The following KCTD19 variants were observed in gnomAD, a reference collection of about 807,000 sequenced individuals.
KCTD19 encodes the protein BTB/POZ domain-containing protein KCTD19.
In KCTD19, 67 loss-of-function variants were observed where a neutral mutation model predicts 103.5. The observed-to-expected ratio is 0.65, with a 90% CI of 0.53 to 0.79. KCTD19 has a LOEUF of 0.79. Among genes scored for constraint, KCTD19 ranks in the 30% least tolerant of loss-of-function variants. The pLI is 0.00. For synonymous variants in KCTD19, 439 were observed against 452.2 expected, an observed-to-expected ratio of 0.97 and a Z score of 0.37; for missense variants, 980 against 1,136.1, an observed-to-expected ratio of 0.86 and a Z score of 1.98.
At position 67,295,354 on chromosome 16, in the gene KCTD19, G is replaced by T. The variant is rs374348796; in HGVS notation, c.1300C>A (p.Gln434Lys). The T allele has an allele frequency of 6.8e-5, 109 of 1,614,020 alleles. No individual in the cohort carries two copies. The highest frequency in any genetic ancestry group is 8.2e-5 in the Non-Finnish European group (97 of 1,180,000). Residue 434 changes from glutamine (Q) to lysine (K), a missense_variant, in exon 9 of 16, where the codon CAA (glutamine) becomes AAA (lysine). By Grantham distance (53) the Gln-to-Lys change is moderately conservative. Transcript: ENST00000304372. ...PQRVYWITYGQTLLIHGDGQM... is the reference protein window; with the variant it reads ...PQRVYWITYGKTLLIHGDGQM... ...CCATCCCCGTGGATGAGCAGGGTTT[G>T]TCCATATGTGATCCAGTACACTCTC...
At chr16:67,316,813 A>G (rs1317850989) in intron 2 of KCTD19, among the ~76,000 whole-genome samples, 1 of 150,370 alleles carries the variant, frequency 6.7e-6, no homozygotes, top group African/African-American at 2.5e-5. Flanking sequence ...GGAGGCCACA[A>G]CTACAGGCTA....
intron 1 of KCTD19, 93 bp downstream of exon 1, chr16:67,326,612 G>A (rs766049659): frequency 1.3e-6 from 2 of 1,511,460 alleles, no homozygotes; most frequent in Non-Finnish European, 1.8e-6. Flanking sequence ...CCCAGAGCCA[G>A]GTCTCGAACC....
rs749293031 is a variant in KCTD19, at chr16:67,304,542, G to T, written c.330C>A (p.His110Gln). 1 of 1,613,950 alleles carries T rather than the reference G, an allele frequency of 6.2e-7. No homozygotes were observed. The highest frequency in any genetic ancestry group is 8.5e-7 in the Non-Finnish European group (1 of 1,179,936). ...GGTCTGCAGGCCGTACGCGTAGATGGTGTTTCCCTTCCTTCAGGTTATCTA... is the reference window on the plus strand; with the variant it reads ...GGTCTGCAGGCCGTACGCGTAGATGTTGTTTCCCTTCCTTCAGGTTATCTA... ...QTLDNLKEGKHHLRVRPADLP... is the reference protein window; with the variant it reads ...QTLDNLKEGKQHLRVRPADLP... Residue 110 changes from histidine to glutamine, a missense_variant, in exon 3 of 16, where the codon CAC becomes CAA. Coordinates refer to ENST00000304372, the MANE Select transcript of KCTD19 (RefSeq NM_001100915.3).
intron 2 of KCTD19, among the ~76,000 whole-genome samples, chr16:67,307,803 T>A (rs1022825079): frequency 2.5e-4 from 38 of 152,352 alleles, no homozygotes; most frequent in African/African-American, 8.7e-4. Flanking sequence ...ATTCCAATGA[T>A]TTTCTTCTAG....
At chr16:67,319,551 T>C (rs1217659084) in intron 2 of KCTD19, among the ~76,000 whole-genome samples, 1 of 152,086 alleles carries the variant, frequency 6.6e-6, no homozygotes, top group Non-Finnish European at 1.5e-5. Flanking sequence ...TTAAAAAGAA[T>C]TGTTCAAAAA....
At chr16:67,324,291 C>A (rs2037106486) in intron 1 of KCTD19, among the ~76,000 whole-genome samples, 1 of 152,092 alleles carries the variant, frequency 6.6e-6, no homozygotes, top group Non-Finnish European at 1.5e-5. Flanking sequence ...AAGGGCACTA[C>A]CCTTGTAAAA....
rs796997202 is a variant in KCTD19, at chr16:67,300,012, C to A, written c.776-439G>T. The A allele has an allele frequency of 1.7e-5, 3 of 177,494 alleles. No homozygotes were observed. The highest frequency in any genetic ancestry group is 7.2e-5 in the African/African-American group (3 of 41,910). 11.0% of individuals were successfully genotyped at this position (177,494 alleles called of 1,614,324 possible). A position where few individuals can be genotyped will look rare whatever the true frequency, so the allele number is the denominator to read the frequency against. On this transcript the variant is annotated intron_variant, in intron 5 of 15. Coordinates refer to ENST00000304372, the MANE Select transcript of KCTD19 (RefSeq NM_001100915.3). The surrounding 1 kb of genome is among the most constrained non-coding windows in gnomAD (Gnocchi z 4.5). ...TTGCTGGCTCTCCTGGGCAGAATTT[C>A]CCCCAGAGACATACTGTGTGGCATT...
Position 67,294,576 on chromosome 16 carries a change from T to G in KCTD19, c.1590+4A>C. 2 of 1,598,768 alleles carry G rather than the reference T, an allele frequency of 1.3e-6. No homozygotes were observed. The highest frequency in any genetic ancestry group is 1.7e-6 in the Non-Finnish European group (2 of 1,166,004). ...AACACCAACCAGAGGAGGCTGGTGC[T>G]TACTTCTTTAGTGTCTCTACTGAAC... On this transcript the variant is annotated splice_donor_region_variant and intron_variant, in intron 11 of 15. Coordinates refer to ENST00000304372, the MANE Select transcript of KCTD19 (RefSeq NM_001100915.3).
At chr16:67,294,455 A>T (rs1174013930) in intron 11 of KCTD19, 125 bp downstream of exon 11, 1 of 716,624 alleles carries the variant, frequency 1.4e-6, no homozygotes, top group African/African-American at 1.8e-5. Flanking sequence ...TGTCCTAGGA[A>T]CCCATGTAGG....
At chr16:67,294,777 G>T in intron 10 of KCTD19, 83 bp from the exon 11 acceptor site, 1 of 1,090,642 alleles carries the variant, frequency 9.2e-7, no homozygotes, top group Admixed American at 1.7e-5. Context: ...CTCTTTGGCT[G>T]GGAGTTAATG....
chr16:67,293,822 C>T lies in KCTD19; in HGVS notation c.1940G>A (p.Cys647Tyr), dbSNP rs200456334. The change falls in exon 12 of 16, where the codon TGC becomes TAC. Residue 647 changes from cysteine (C) to tyrosine (Y), a missense_variant. Transcript: ENST00000304372. The surrounding 1 kb of genome is among the most constrained non-coding windows in gnomAD (Gnocchi z 4.0). The stretch of plus-strand genomic sequence containing the variant: ...CAGTGGCTGGAATTCCCACTGTTTG[C>T]AATTGACCATGTCCCATTCTCTCAC... The part of the protein sequence containing the change: ...SLVREWDMVN[C>Y]KQWEFQPLTA... 1.1e-5 allele frequency: 17 copies of T among 1,613,828 alleles called. No homozygotes were observed. In the Admixed American group the frequency reaches 1.8e-4, roughly 17 times the overall value.
intron 2 of KCTD19, among the ~76,000 whole-genome samples, chr16:67,309,506 A>C (rs976814834): frequency 1.3e-5 from 2 of 152,208 alleles, no homozygotes; most frequent in Non-Finnish European, 2.9e-5. Context: ...GACAGTAGGC[A>C]AAGTAGCAAG....
intron 1 of KCTD19, 39 bp downstream of exon 1, chr16:67,326,666 T>C: frequency 6.3e-7 from 1 of 1,575,570 alleles, no homozygotes; most frequent in East Asian, 2.4e-5. Flanking sequence ...ATTCGCCGCT[T>C]TGGTGCTTTT....
In KCTD19 at chr16:67,293,802, G is replaced by A. The variant is rs769654789; in HGVS notation, c.1960C>T (p.Pro654Ser). ...GGGCTGCTCCGTGTGGCTGTCAGTG[G>A]CTGGAATTCCCACTGTTTGCAATTG... ...MVNCKQWEFQ[P>S]LTATRSSPLE... Residue 654 changes from proline to serine, a missense_variant, in exon 12 of 16, where the codon CCA (proline) becomes TCA (serine). Pro to Ser is a moderately conservative substitution (Grantham distance 74, BLOSUM62 -1). Transcript: ENST00000304372. The surrounding 1 kb of genome is among the most constrained non-coding windows in gnomAD (Gnocchi z 4.0). 19 of 1,613,610 alleles carry A rather than the reference G, an allele frequency of 1.2e-5. No individual in the cohort carries two copies. The highest frequency in any genetic ancestry group is 1.6e-4 in the Middle Eastern group (1 of 6,084).
rs754268317 is a variant in KCTD19 at position 67,299,608 on chromosome 16, C to T, written c.776-35G>A. 9 of 1,582,020 alleles carry T rather than the reference C, an allele frequency of 5.7e-6. No individual in the cohort carries two copies. The African/African-American group carries it at 9.4e-5, about 17-fold the overall frequency. Reference sequence around the variant, plus strand: ...AGAGAAAGGGGTGACTCCTAGGCCCCCCATGGTCATAGCTGGATTGGAGGC... The same window carrying T: ...AGAGAAAGGGGTGACTCCTAGGCCCTCCATGGTCATAGCTGGATTGGAGGC... On this transcript the variant is annotated intron_variant, in intron 5 of 15. Coordinates refer to ENST00000304372, the MANE Select transcript of KCTD19 (RefSeq NM_001100915.3).
At position 67,302,553 on chromosome 16, in the gene KCTD19, CCAAA is replaced by C. The variant is rs547290634; in HGVS notation, c.643+589_643+592del. The C allele has an allele frequency of 2.2e-4, 35 of 156,568 alleles. No homozygotes were observed. The South Asian group carries it at 6.4e-3, about 29-fold the overall frequency. The allele number at this position is 156,568 out of a possible 1,614,324, so 9.7% of individuals were successfully genotyped here. ...TCAAAGAGATCATTCAGTTCACATC[CCAAA>C]CAGAGCTCATCCTGGGGCAGTAGGG... On this transcript the variant is annotated intron_variant, in intron 4 of 15. Transcript: ENST00000304372.
At chr16:67,292,095 C>T (rs1428683461) in intron 12 of KCTD19, among the ~76,000 whole-genome samples, 2 of 152,312 alleles carry the variant, frequency 1.3e-5, no homozygotes, top group Non-Finnish European at 2.9e-5. Flanking sequence ...GAACTCCTGA[C>T]CTTAGGTGAT....
In KCTD19 at chr16:67,319,841, G is replaced by A. The variant is rs1489899899; in HGVS notation, c.300+748C>T. ...TTGCTTTGGTGTAAATGCATGTTGT[G>A]TACCTAACAGACACAATGAGAGGTG... On this transcript the variant is annotated intron_variant, in intron 2 of 15. Transcript: ENST00000304372. Among the ~76,000 whole-genome samples the A allele has an allele frequency of 2.9e-4, 44 of 151,538 alleles. 1 individual carries two copies. The highest frequency in any genetic ancestry group is 2.8e-3 in the Admixed American group (42 of 15,196).
chr16:67,296,046 A>C, intron 8 of KCTD19, 113 bp downstream of exon 8: 2 of 723,210 alleles, frequency 2.8e-6, no homozygotes, highest in South Asian at 2.9e-5. Context: ...CCTGGCGGGA[A>C]AGCCTTTGTT....
Sources: gnomAD v4.1 joint callset for allele counts (sites outside exome capture counted in the v4.1 genomes callset) on GRCh38, gnomAD v4.1.1 for gene constraint, Gnocchi (gnomAD v3.1) non-coding constraint, MANE v1.5 for transcripts, NCBI Gene and HGNC (gene_info 2026-07-23, HGNC 2026-07-21) for gene names.